NBAS: variants seen among roughly 807,000 people sequenced by gnomAD.
The protein encoded by NBAS is NAG/BC035112 fusion.
A neutral mutation model predicts 302.5 loss-of-function variants in NBAS; 219 were observed. The ratio of observed to expected loss-of-function variants is 0.72; its 90% CI spans 0.65 to 0.81. The LOEUF is 0.81. Ranked by LOEUF, NBAS falls within the 30% of genes least tolerant of loss-of-function variation. The pLI, the probability that NBAS is intolerant of heterozygous loss-of-function variation, is 0.00. For missense variants in NBAS, 2,932 were observed against 2,841.6 expected, an observed-to-expected ratio of 1.03 and a Z score of -0.72; for synonymous variants, 1,118 against 1,021.6, an observed-to-expected ratio of 1.09 and a Z score of -1.80.
the NBAS span, among the ~76,000 whole-genome samples, chr2:15,082,099 C>T: frequency 6.6e-6 from 1 of 152,106 alleles, no homozygotes; most frequent in African/African-American, 2.4e-5. Context: ...AAAATGGTAG[C>T]TATTAATAAG....
At position 15,238,678 on chromosome 2, in the gene NBAS, C is replaced by A. The variant is rs764293410; in HGVS notation, c.5733G>T (p.Val1911=). ...TTCTAGTCATCTCTTTACGGGCTTC[C>A]ACAGACAGCTTAAAAAAAAGAATAG... The part of the protein sequence containing the change: ...FSPKAVTKLS[V]EARKEMTRKA... Residue 1911 remains valine, a synonymous_variant, in exon 45 of 52, where the codon GTG becomes GTT. Coordinates refer to ENST00000281513, the MANE Select transcript of NBAS (RefSeq NM_015909.4). 1 of 1,546,658 alleles carries A rather than the reference C, an allele frequency of 6.5e-7. No homozygotes were observed. The highest frequency in any genetic ancestry group is 8.6e-7 in the Non-Finnish European group (1 of 1,156,218).
chr2:14,875,024 CA>C, the NBAS span, among the ~76,000 whole-genome samples: 2,660 of 149,490 alleles, frequency 0.018, 76 homozygotes, highest in African/African-American at 0.061. Flanking sequence ...GTGTAATCTA[CA>C]AAAAAAAATC....
In NBAS at chr2:15,347,902, G is replaced by A. The variant is rs116150953; in HGVS notation, c.4179+4090C>T. ...CAACAGCAATATCTTCAAACTTGTC[G>A]GCTCCATTTGTACTAACATAAATGC... On this transcript the variant is annotated intron_variant, in intron 35 of 51. Transcript: ENST00000281513. Among the ~76,000 whole-genome samples, 787 of 152,144 alleles carry A rather than the reference G, an allele frequency of 5.2e-3. 8 individuals are homozygous for A. Among genetic ancestry groups the A allele is most frequent in the African/African-American group, 0.017 (721 of 41,508 alleles).
intron 29 of NBAS, among the ~76,000 whole-genome samples, chr2:15,382,010 G>A (rs1675057896): frequency 6.6e-6 from 1 of 152,100 alleles, no homozygotes; most frequent in Non-Finnish European, 1.5e-5. Context: ...TTTTGTGTCT[G>A]GCTTATTTAA....
chr2:15,543,736 C>T (rs1391784981), intron 6 of NBAS, among the ~76,000 whole-genome samples: 4 of 152,188 alleles, frequency 2.6e-5, no homozygotes, highest in Non-Finnish European at 5.9e-5. Context: ...ACCCATGATT[C>T]AATCATCTCC....
chr2:15,067,461 AGG>A, the NBAS span, among the ~76,000 whole-genome samples: 1 of 87,750 alleles, frequency 1.1e-5, no homozygotes, highest in Non-Finnish European at 2.2e-5. Context: ...AGGGGAGAGG[AGG>A]GGAGAGGAGG....
intron 39 of NBAS, 88 bp downstream of exon 39, chr2:15,309,083 T>C (rs1671161303): frequency 3.5e-6 from 3 of 849,444 alleles, no homozygotes; most frequent in South Asian, 1.9e-5. Context: ...GGAAATGGCA[T>C]GCAATAAACA....
chr2:15,139,196 A>G, the NBAS span, among the ~76,000 whole-genome samples: 1 of 152,220 alleles, frequency 6.6e-6, no homozygotes, highest in African/African-American at 2.4e-5. Context: ...TTCCTTTGAA[A>G]TGTCACTAAC....
chr2:15,477,697 C>CAA (rs1439718179), intron 13 of NBAS, among the ~76,000 whole-genome samples: 5 of 152,136 alleles, frequency 3.3e-5, no homozygotes, highest in African/African-American at 9.7e-5. Flanking sequence ...GAAAAAATCT[C>CAA]AAAAGTAACC....
At chr2:15,286,388 T>C (rs1338621588) in intron 42 of NBAS, among the ~76,000 whole-genome samples, 1 of 152,176 alleles carries the variant, frequency 6.6e-6, no homozygotes, top group Non-Finnish European at 1.5e-5. Context: ...AACCTTCTAT[T>C]ATCCTAGCCT....
At chr2:15,337,506 C>T (rs1672645166) in intron 35 of NBAS, among the ~76,000 whole-genome samples, 1 of 152,008 alleles carries the variant, frequency 6.6e-6, no homozygotes, top group Admixed American at 6.6e-5. Flanking sequence ...ATGTAGGCCA[C>T]AAAACAATGA....
chr2:15,433,796 G>T (rs1677876241), intron 21 of NBAS, among the ~76,000 whole-genome samples: 2 of 152,202 alleles, frequency 1.3e-5, no homozygotes, highest in Admixed American at 1.3e-4. Context: ...TCAATGAGAA[G>T]TATTAAAGAA....
At chr2:15,063,983 G>A in the NBAS span, among the ~76,000 whole-genome samples, 2 of 152,158 alleles carry the variant, frequency 1.3e-5, no homozygotes, top group East Asian at 3.9e-4. Context: ...GCAGTAGAAG[G>A]GGAAGCTGGG....
At chr2:14,844,617 G>A in the NBAS span, among the ~76,000 whole-genome samples, 2,764 of 152,278 alleles carry the variant, frequency 0.018, 43 homozygotes, top group South Asian at 0.047. Flanking sequence ...CCAATTCCAA[G>A]CCTTGGGTCC....
At chr2:14,809,288 C>T in the NBAS span, among the ~76,000 whole-genome samples, 1 of 152,192 alleles carries the variant, frequency 6.6e-6, no homozygotes, top group Non-Finnish European at 1.5e-5. Flanking sequence ...TTCGTGGCAG[C>T]CCCTCCCACC....
chr2:14,906,081 C>CAGCAGTGGTA, the NBAS span, among the ~76,000 whole-genome samples: 1 of 152,092 alleles, frequency 6.6e-6, no homozygotes, highest in Non-Finnish European at 1.5e-5. Flanking sequence ...GTAGGCACTC[C>CAGCAGTGGTA]AGCAGTGGTA....
intron 12 of NBAS, among the ~76,000 whole-genome samples, chr2:15,486,085 G>A (rs1680616617): frequency 6.6e-6 from 1 of 152,152 alleles, no homozygotes; most frequent in African/African-American, 2.4e-5. Flanking sequence ...GTGCTGTGAT[G>A]AACTCTGAAC....
At chr2:14,989,195 T>C in the NBAS span, among the ~76,000 whole-genome samples, 3 of 152,110 alleles carry the variant, frequency 2.0e-5, no homozygotes, top group Non-Finnish European at 4.4e-5. Context: ...ATAGTCATGT[T>C]TGTGTTTACT....
intron 40 of NBAS, among the ~76,000 whole-genome samples, chr2:15,299,565 A>C (rs555394619): frequency 6.6e-6 from 1 of 152,348 alleles, no homozygotes; most frequent in African/African-American, 2.4e-5. Flanking sequence ...AGCTTAAAAA[A>C]ACGCATTTTA....
Sources: allele counts gnomAD v4.1 joint callset (sites outside exome capture counted in the v4.1 genomes callset), GRCh38; gene constraint gnomAD v4.1.1; transcripts MANE v1.5; gene names NCBI Gene and HGNC (gene_info 2026-07-23, HGNC 2026-07-21).